The following CHRM3 variants were observed in gnomAD, a reference collection of about 807,000 sequenced individuals.
The protein encoded by CHRM3 is cholinergic receptor muscarinic 3.
Under a neutral mutation model 41.8 loss-of-function variants are expected in CHRM3, and 11 were observed. That is an observed-to-expected ratio of 0.26 (90% CI 0.17 to 0.44). The LOEUF (loss-of-function observed/expected upper bound fraction) is 0.44. Among genes scored for constraint, CHRM3 ranks in the 20% least tolerant of loss-of-function variants. The probability of loss-of-function intolerance (pLI) is 1.00; values close to 1 mark genes in which losing one functional copy is unlikely to be tolerated. For missense variants in CHRM3, 571 were observed against 745.4 expected (o/e 0.77, Z 2.72); for synonymous variants, 297 against 301.4 (o/e 0.99, Z 0.15).
intron 6 of CHRM3, among the ~76,000 whole-genome samples, chr1:239,892,254 A>G (rs1678614588): frequency 6.6e-6 from 1 of 152,204 alleles, no homozygotes; most frequent in Non-Finnish European, 1.5e-5. Context: ...ATTGTTTTCC[A>G]ATATTTAATT....
intron 1 of CHRM3, among the ~76,000 whole-genome samples, chr1:239,432,162 G>A (rs1662884462): frequency 6.6e-6 from 1 of 151,918 alleles, no homozygotes; most frequent in Non-Finnish European, 1.5e-5. Context: ...CTGTCAAGGG[G>A]ATCTGGATAA....
intron 5 of CHRM3, among the ~76,000 whole-genome samples, chr1:239,715,578 A>G (rs980293501): frequency 6.6e-6 from 1 of 152,172 alleles, no homozygotes; most frequent in African/African-American, 2.4e-5. Context: ...ACCACCACAT[A>G]GAAACCAATG....
chr1:239,843,447 CTTTTTT>C (rs34901177), intron 6 of CHRM3, among the ~76,000 whole-genome samples: 1 of 81,216 alleles, frequency 1.2e-5, no homozygotes, highest in Non-Finnish European at 2.3e-5. Flanking sequence ...ACTCGCTTTC[CTTTTTT>C]TTTTTTTTTT....
intron 3 of CHRM3, among the ~76,000 whole-genome samples, chr1:239,546,773 G>C (rs544347771): frequency 6.6e-6 from 1 of 152,218 alleles, no homozygotes; most frequent in South Asian, 2.1e-4. Flanking sequence ...GAAGGAGAAA[G>C]ATATATTAGA....
chr1:239,577,336 T>G (rs1662464269), intron 3 of CHRM3, among the ~76,000 whole-genome samples: 1 of 152,198 alleles, frequency 6.6e-6, no homozygotes, highest in African/African-American at 2.4e-5. Context: ...ATAAAAAATA[T>G]TTTTGTAATT....
intron 6 of CHRM3, among the ~76,000 whole-genome samples, chr1:239,829,058 G>T (rs1037692540): frequency 6.6e-6 from 1 of 152,168 alleles, no homozygotes. Flanking sequence ...TGTCCTTGAC[G>T]TTGCTTTTGT....
intron 1 of CHRM3, among the ~76,000 whole-genome samples, chr1:239,444,814 G>A (rs968559186): frequency 6.6e-6 from 1 of 152,166 alleles, no homozygotes; most frequent in African/African-American, 2.4e-5. Context: ...AGAAGAATGG[G>A]ATGAACTAAG....
chr1:239,652,025 C>T (rs1672292614), intron 4 of CHRM3, among the ~76,000 whole-genome samples: 1 of 149,206 alleles, frequency 6.7e-6, no homozygotes, highest in East Asian at 2.0e-4. Flanking sequence ...AGGCCACCAG[C>T]TATGCAAGGC....
chr1:239,574,255 CAG>C (rs1366158987), intron 3 of CHRM3, among the ~76,000 whole-genome samples: 1 of 152,142 alleles, frequency 6.6e-6, no homozygotes, highest in Non-Finnish European at 1.5e-5. Context: ...CCATTTCACT[CAG>C]AGAAAAAGCC....
chr1:239,746,017 A>T (rs956021615), intron 5 of CHRM3, among the ~76,000 whole-genome samples: 9 of 152,186 alleles, frequency 5.9e-5, no homozygotes, highest in Non-Finnish European at 4.4e-5. Flanking sequence ...TCGTAAAGGA[A>T]CTAGATTAAA....
At chr1:239,902,319 A>G (rs796098885) in intron 6 of CHRM3, among the ~76,000 whole-genome samples, 6 of 152,154 alleles carry the variant, frequency 3.9e-5, no homozygotes, top group Non-Finnish European at 7.4e-5. Context: ...TTCTAGTTTT[A>G]TAGATGAAGA....
chr1:239,828,139 C>T (rs1457755356), intron 6 of CHRM3, among the ~76,000 whole-genome samples: 4 of 152,134 alleles, frequency 2.6e-5, no homozygotes, highest in African/African-American at 9.7e-5. Flanking sequence ...TACACGCACA[C>T]AAATACACAC....
intron 5 of CHRM3, among the ~76,000 whole-genome samples, chr1:239,800,782 A>T (rs1004139313): frequency 4.6e-5 from 7 of 152,244 alleles, no homozygotes; most frequent in Non-Finnish European, 1.0e-4. Flanking sequence ...ATGGTGGAAG[A>T]TCAAACTATA....
At chr1:239,732,193 T>A (rs1664022904) in intron 5 of CHRM3, among the ~76,000 whole-genome samples, 1 of 151,830 alleles carries the variant, frequency 6.6e-6, no homozygotes, top group Non-Finnish European at 1.5e-5. Flanking sequence ...ACCTAATATC[T>A]CATTTAGATA....
In CHRM3 at chr1:239,907,692, G is replaced by C; in HGVS notation, c.241G>C (p.Val81Leu). ...IAFLTGILAL[V>L]TIIGNILVIV... is the part of the protein sequence containing the mutation. ...TTTCTTAACGGGCATCCTGGCCTTG[G>C]TGACCATCATCGGCAACATCCTGGT... is the stretch of plus-strand genomic sequence containing the variant. Residue 81 changes from valine to leucine, a missense_variant, in exon 7 of 7, where the codon GTG becomes CTG. Coordinates refer to ENST00000676153, the MANE Select transcript of CHRM3 (RefSeq NM_001375978.1). The surrounding 1 kb of genome is among the most constrained non-coding windows in gnomAD (Gnocchi z 5.4). 1 of 1,614,174 alleles carries C rather than the reference G, an allele frequency of 6.2e-7. No individual in the cohort carries two copies. The highest frequency in any genetic ancestry group is 1.3e-5 in the African/African-American group (1 of 75,048).
At chr1:239,883,170 C>T (rs900322998) in intron 6 of CHRM3, among the ~76,000 whole-genome samples, 1 of 152,220 alleles carries the variant, frequency 6.6e-6, no homozygotes, top group Non-Finnish European at 1.5e-5. Context: ...CTTGACTCAT[C>T]ATCGTAAACG....
chr1:239,738,311 C>T (rs1303854413), intron 5 of CHRM3, among the ~76,000 whole-genome samples: 1 of 152,162 alleles, frequency 6.6e-6, no homozygotes, highest in Non-Finnish European at 1.5e-5. Flanking sequence ...TAGGATGCAC[C>T]TCTGTAGAGA....
chr1:239,577,206 T>C (rs368657636), intron 3 of CHRM3, among the ~76,000 whole-genome samples: 3 of 152,130 alleles, frequency 2.0e-5, no homozygotes, highest in African/African-American at 7.2e-5. Flanking sequence ...ATTATCCCAC[T>C]CTCCCAGCCT....
chr1:239,720,506 G>A (rs1052232959), intron 5 of CHRM3, among the ~76,000 whole-genome samples: 4 of 151,904 alleles, frequency 2.6e-5, no homozygotes, highest in African/African-American at 9.7e-5. Context: ...CTCAACGCCA[G>A]ACTTTTCATG....
Sources: gnomAD v4.1 joint callset for allele counts (sites outside exome capture counted in the v4.1 genomes callset) on GRCh38, gnomAD v4.1.1 for gene constraint, Gnocchi (gnomAD v3.1) non-coding constraint, MANE v1.5 for transcripts, NCBI Gene and HGNC (gene_info 2026-07-23, HGNC 2026-07-21) for gene names.